The following GPM6A variants were observed in gnomAD, a reference collection of about 807,000 sequenced individuals.
GPM6A encodes neuronal membrane glycoprotein M6-a.
GPM6A carries 7 observed loss-of-function variants against 32.1 expected under a neutral mutation model. The observed-to-expected ratio is 0.22, with a 90% CI of 0.12 to 0.41. The LOEUF (loss-of-function observed/expected upper bound fraction) is 0.41, where lower values mean the gene tolerates loss of function less well. Among genes scored for constraint, GPM6A ranks in the 10% least tolerant of loss-of-function variants. GPM6A has a pLI of 1.00. For synonymous variants in GPM6A, 130 were observed against 123.4 expected, an observed-to-expected ratio of 1.05 and a Z score of -0.35; for missense variants, 235 against 347.2, an observed-to-expected ratio of 0.68 and a Z score of 2.57.
At chr4:175,769,019 C>T (rs984203759) in intron 1 of GPM6A, among the ~76,000 whole-genome samples, 3 of 151,954 alleles carry the variant, frequency 2.0e-5, no homozygotes, top group East Asian at 1.9e-4. Context: ...GGCTTGAACC[C>T]GGGAGGTGGA....
intron 1 of GPM6A, among the ~76,000 whole-genome samples, chr4:175,721,452 G>T (rs1337568171): frequency 6.6e-6 from 1 of 151,744 alleles, no homozygotes; most frequent in Non-Finnish European, 1.5e-5. Context: ...CTCCAGTCTG[G>T]GTGACAGAGC....
chr4:175,945,602 A>C (rs566723822), intron 1 of GPM6A, among the ~76,000 whole-genome samples: 9 of 150,768 alleles, frequency 6.0e-5, no homozygotes, highest in Non-Finnish European at 1.3e-4. Flanking sequence ...TAGTTGTAAT[A>C]TAACTTATAA....
chr4:175,753,722 T>TCCAA (rs1305143373), intron 1 of GPM6A, among the ~76,000 whole-genome samples: 1 of 152,152 alleles, frequency 6.6e-6, no homozygotes, highest in Non-Finnish European at 1.5e-5. Context: ...TTCTTTACTT[T>TCCAA]CCAACCCAGC....
At position 175,829,675 on chromosome 4, in the gene GPM6A, C is replaced by CAT. The variant is rs1408446929; in HGVS notation, c.-22-17428_-22-17427dup. ...TATATATATATATATACATATAAAA[C>CAT]ATATATATATTACATATATGTATAT... On this transcript the variant is annotated intron_variant, in intron 1 of 7. Coordinates refer to the GPM6A transcript ENST00000280187. Among the ~76,000 whole-genome samples, 10 of 145,880 alleles carry CAT rather than the reference C, an allele frequency of 6.9e-5. No individual in the cohort carries two copies. In the South Asian group the frequency reaches 1.1e-3, roughly 16 times the overall value.
intron 1 of GPM6A, chr4:175,972,061 C>T (rs1348353415): frequency 1.3e-5 from 2 of 152,114 alleles, no homozygotes; most frequent in Non-Finnish European, 2.9e-5. Context: ...CCTAAATTCT[C>T]CATGGTGCTA....
At chr4:175,707,303 T>C (rs1460330076) in intron 1 of GPM6A, among the ~76,000 whole-genome samples, 1 of 152,230 alleles carries the variant, frequency 6.6e-6, no homozygotes, top group East Asian at 1.9e-4. Flanking sequence ...CCAGTAACAG[T>C]TGGGCCAATA....
chr4:175,662,638 A>G (rs1031316151), intron 3 of GPM6A, among the ~76,000 whole-genome samples: 3 of 152,088 alleles, frequency 2.0e-5, no homozygotes, highest in Non-Finnish European at 2.9e-5. Flanking sequence ...AAACACATTT[A>G]GCAGGTATTT....
intron 1 of GPM6A, among the ~76,000 whole-genome samples, chr4:175,820,087 C>T (rs574900259): frequency 2.6e-5 from 4 of 152,214 alleles, no homozygotes; most frequent in African/African-American, 4.8e-5. Flanking sequence ...ATCATCTAAG[C>T]GGTTTAGCAG....
chr4:175,840,317 T>C (rs1391368015), intron 1 of GPM6A, among the ~76,000 whole-genome samples: 1 of 152,214 alleles, frequency 6.6e-6, no homozygotes. Flanking sequence ...TTCTCCATTA[T>C]TCATTACATT....
In GPM6A at chr4:175,778,579, C is replaced by T. The variant is rs868263310; in HGVS notation, c.37+33612G>A. On this transcript the variant is annotated intron_variant, in intron 1 of 6. Coordinates refer to ENST00000393658, the MANE Select transcript of GPM6A (RefSeq NM_201591.3). The stretch of plus-strand genomic sequence containing the variant: ...GGTGGAGGTTGCAGTGAGGGGAGAT[C>T]GCAGCACTGCACTCCAGCCTGGCAA... 1.1e-3 allele frequency among the ~76,000 whole-genome samples: 146 copies of T among 133,858 alleles called. No individual in the cohort carries two copies. In the Middle Eastern group the frequency reaches 0.021, roughly 19 times the overall value. 87.8% of individuals were successfully genotyped at this position (133,858 alleles called of 152,430 possible). A position where few individuals can be genotyped will look rare whatever the true frequency, so the allele number is the denominator to read the frequency against.
Position 175,634,853 on chromosome 4 carries a change from C to A in GPM6A, c.*52G>T. The A allele has an allele frequency of 6.7e-7, 1 of 1,499,984 alleles. No homozygotes were observed. Among genetic ancestry groups the A allele is most frequent in the Non-Finnish European group, 9.2e-7 (1 of 1,083,146 alleles). 92.9% of individuals were successfully genotyped at this position (1,499,984 alleles called of 1,614,324 possible). The stretch of plus-strand genomic sequence containing the variant: ...TTTAAAGGTTGGATGGTTGGATGGC[C>A]CTTAGTTAAACACCAATGCATTCAA... On this transcript the variant is annotated 3_prime_UTR_variant, in exon 7 of 7. Transcript: ENST00000393658.
intron 1 of GPM6A, among the ~76,000 whole-genome samples, chr4:175,906,158 A>G (rs1301125286): frequency 6.6e-6 from 1 of 152,178 alleles, no homozygotes; most frequent in Non-Finnish European, 1.5e-5. Flanking sequence ...ATTGAAATTC[A>G]AGAACGATGT....
At chr4:175,889,811 TCAAAC>T (rs1049175324) in intron 1 of GPM6A, among the ~76,000 whole-genome samples, 2 of 149,606 alleles carry the variant, frequency 1.3e-5, no homozygotes, top group African/African-American at 2.5e-5. Context: ...AGACTCCGTC[TCAAAC>T]AAAACAAAAC....
At chr4:175,826,227 C>T (rs891186755) in intron 1 of GPM6A, among the ~76,000 whole-genome samples, 5 of 152,028 alleles carry the variant, frequency 3.3e-5, no homozygotes, top group African/African-American at 4.8e-5. Flanking sequence ...GCCACTGATC[C>T]GTACCATAAG....
chr4:175,894,281 G>T (rs1737731497), intron 1 of GPM6A, among the ~76,000 whole-genome samples: 1 of 152,072 alleles, frequency 6.6e-6, no homozygotes, highest in Non-Finnish European at 1.5e-5. Context: ...ACCAAATTAA[G>T]TGTTCTCAGC....
chr4:175,916,436 G>T (rs1171595037), intron 1 of GPM6A, among the ~76,000 whole-genome samples: 1 of 152,118 alleles, frequency 6.6e-6, no homozygotes, highest in Non-Finnish European at 1.5e-5. Context: ...GTGAAGTTTT[G>T]CTTTTCAGTA....
rs370621840 is a variant in GPM6A, at chr4:175,726,432, C to T, written c.38-24665G>A. The stretch of plus-strand genomic sequence containing the variant: ...TTTCCTTTACCAAAAACTGTTGTCT[C>T]CATATTGTAGAAAATACATTCTGAA... On this transcript the variant is annotated intron_variant, in intron 1 of 6. Transcript: ENST00000393658. Among the ~76,000 whole-genome samples, 45 of 152,238 alleles carry T rather than the reference C, an allele frequency of 3.0e-4. 3 individuals carry two copies. The highest frequency in any genetic ancestry group is 1.9e-3 in the Admixed American group (29 of 15,282).
intron 3 of GPM6A, among the ~76,000 whole-genome samples, chr4:175,660,102 T>TA (rs528749015): frequency 7.9e-5 from 12 of 151,682 alleles, no homozygotes; most frequent in East Asian, 3.9e-4. Context: ...AGAGCAAAAT[T>TA]AAAAAAAAGT....
chr4:175,945,281 T>A (rs1344262003), intron 1 of GPM6A, among the ~76,000 whole-genome samples: 1 of 152,166 alleles, frequency 6.6e-6, no homozygotes, highest in Admixed American at 6.5e-5. Context: ...GTAATCTAAT[T>A]GAATTTATTA....
Sources: gnomAD v4.1 joint callset for allele counts (sites outside exome capture counted in the v4.1 genomes callset) on GRCh38, gnomAD v4.1.1 for gene constraint, MANE v1.5 for transcripts, NCBI Gene and HGNC (gene_info 2026-07-23, HGNC 2026-07-21) for gene names.